The following SORL1 variants were observed in gnomAD, a reference collection of about 807,000 sequenced individuals.
SORL1 encodes the protein sortilin-related receptor.
Under a neutral mutation model 273.7 loss-of-function variants are expected in SORL1, and 127 were observed. That is an observed-to-expected ratio of 0.46 (90% CI 0.40 to 0.54). The LOEUF is 0.54. Among genes scored for constraint, SORL1 ranks in the 20% least tolerant of loss-of-function variants. The pLI is 0.00. For missense variants in SORL1, 2,494 were observed against 2,846.1 expected, an observed-to-expected ratio of 0.88 and a Z score of 2.81; for synonymous variants, 1,031 against 1,067.4, an observed-to-expected ratio of 0.97 and a Z score of 0.66.
At chr11:121,584,886 G>A (rs531206057) in intron 26 of SORL1, among the ~76,000 whole-genome samples, 2 of 152,276 alleles carry the variant, frequency 1.3e-5, no homozygotes, top group Admixed American at 1.3e-4. Flanking sequence ...GAGCCACTGC[G>A]CCTGGCCAGA....
rs1304684535 is a variant in SORL1 at position 121,567,114 on chromosome 11, G to A, written c.3223+1G>A. 1 of 1,608,870 alleles carries A rather than the reference G, an allele frequency of 6.2e-7. No homozygotes were observed. Among genetic ancestry groups the A allele is most frequent in the Non-Finnish European group, 8.5e-7 (1 of 1,177,646 alleles). ...AAGAACAATACCTGTGTCAAACAAG[G>A]TACTTCCCTTTTTCTTTTTTGCCTG... On this transcript the variant is annotated splice_donor_variant, in intron 22 of 47. Transcript: ENST00000260197. LOFTEE classifies it high-confidence loss of function.
At chr11:121,519,985 T>C (rs1246859635) in intron 8 of SORL1, among the ~76,000 whole-genome samples, 2 of 152,198 alleles carry the variant, frequency 1.3e-5, no homozygotes, top group African/African-American at 4.8e-5. Context: ...ACATGGTGGC[T>C]CATGCCTGTA....
At chr11:121,483,198 G>C (rs951795038) in intron 3 of SORL1, among the ~76,000 whole-genome samples, 1 of 152,196 alleles carries the variant, frequency 6.6e-6, no homozygotes, top group Non-Finnish European at 1.5e-5. Context: ...TATTCCTTCT[G>C]TCTCAGCCTT....
At chr11:121,482,967 G>C (rs1463737600) in intron 3 of SORL1, among the ~76,000 whole-genome samples, 1 of 152,202 alleles carries the variant, frequency 6.6e-6, no homozygotes, top group Non-Finnish European at 1.5e-5. Flanking sequence ...CTTCCTTCTT[G>C]GTCTCCTGTG....
chr11:121,536,527 G>A (rs1377894475), intron 12 of SORL1, among the ~76,000 whole-genome samples: 1 of 147,514 alleles, frequency 6.8e-6, no homozygotes, highest in African/African-American at 2.5e-5. Context: ...CAGCCTCCCA[G>A]TAGCTGGGAC....
chr11:121,603,291 G>A (rs1174977466), intron 32 of SORL1, among the ~76,000 whole-genome samples: 1 of 152,196 alleles, frequency 6.6e-6, no homozygotes, highest in African/African-American at 2.4e-5. Flanking sequence ...CCTTGTCCAG[G>A]ACTGGGCAGG....
chr11:121,501,777 G>C (rs921521141), intron 6 of SORL1, among the ~76,000 whole-genome samples: 1 of 152,178 alleles, frequency 6.6e-6, no homozygotes, highest in East Asian at 1.9e-4. Flanking sequence ...GACATGTGGG[G>C]ATTATGGGAG....
At chr11:121,583,417 A>G in intron 25 of SORL1, 41 bp from the exon 26 acceptor site, 1 of 1,580,926 alleles carries the variant, frequency 6.3e-7, no homozygotes, top group Non-Finnish European at 8.6e-7. Context: ...TGGGGGATGG[A>G]GATGAGGGGT....
intron 25 of SORL1, among the ~76,000 whole-genome samples, chr11:121,581,472 A>G (rs935914779): frequency 6.6e-6 from 1 of 152,196 alleles, no homozygotes; most frequent in Non-Finnish European, 1.5e-5. Context: ...AATGAATCCT[A>G]CCATGCAGAG....
intron 25 of SORL1, among the ~76,000 whole-genome samples, chr11:121,578,591 G>T (rs1370168244): frequency 6.6e-6 from 1 of 152,170 alleles, no homozygotes; most frequent in Non-Finnish European, 1.5e-5. Flanking sequence ...TGTATTCTCT[G>T]CAGTGTCCAG....
At chr11:121,567,719 C>T (rs187881729) in intron 22 of SORL1, among the ~76,000 whole-genome samples, 20 of 152,266 alleles carry the variant, frequency 1.3e-4, no homozygotes, top group Admixed American at 1.0e-3. Context: ...TTCTTTCCTC[C>T]GAAATTTAAA....
At position 121,618,822 on chromosome 11, in the gene SORL1, C is replaced by T; in HGVS notation, c.5653C>T (p.Pro1885Ser). ...GTCCTTTCTTGACCTCTATCGCAACCCGAAGAGCTTGACTACTTCACTCCA... is the reference window on the plus strand; with the variant it reads ...GTCCTTTCTTGACCTCTATCGCAACTCGAAGAGCTTGACTACTTCACTCCA... ...ATSFLDLYRNPKSLTTSLHNK... is the reference protein window; with the variant it reads ...ATSFLDLYRNSKSLTTSLHNK... The change falls in exon 42 of 48, where the codon CCG becomes TCG. Residue 1885 changes from proline to serine, a missense_variant. This residue lies in a region of SORL1 where 1,609 missense variants were observed against 1,816.4 expected (regional missense o/e 0.89). Coordinates refer to ENST00000260197, the MANE Select transcript of SORL1 (RefSeq NM_003105.6). 1 of 1,614,054 alleles carries T rather than the reference C, an allele frequency of 6.2e-7. No homozygotes were observed. The highest frequency in any genetic ancestry group is 1.1e-5 in the South Asian group (1 of 91,080).
At chr11:121,487,675 C>A (rs1368698622) in intron 3 of SORL1, among the ~76,000 whole-genome samples, 1 of 152,174 alleles carries the variant, frequency 6.6e-6, no homozygotes, top group African/African-American at 2.4e-5. Flanking sequence ...ATGCCAGTAA[C>A]TACCCTCTGG....
At position 121,454,725 on chromosome 11, in the gene SORL1, G is replaced by C. The variant is rs117769957; in HGVS notation, c.285+2109G>C. 1.9e-3 allele frequency among the ~76,000 whole-genome samples: 289 copies of C among 152,328 alleles called. 7 individuals are homozygous for C. The East Asian group carries it at 0.049, about 26-fold the overall frequency. ...AAAAGGAAGAACTTCCCTGTACTGGGCTTTCTGCCACAAGTTCTATCTGGT... is the reference window on the plus strand; with the variant it reads ...AAAAGGAAGAACTTCCCTGTACTGGCCTTTCTGCCACAAGTTCTATCTGGT... On this transcript the variant is annotated intron_variant, in intron 1 of 47. Coordinates refer to ENST00000260197, the MANE Select transcript of SORL1 (RefSeq NM_003105.6).
intron 31 of SORL1, among the ~76,000 whole-genome samples, chr11:121,593,547 A>G (rs77467935): frequency 1.1e-4 from 16 of 152,040 alleles, no homozygotes; most frequent in Non-Finnish European, 4.4e-5. Flanking sequence ...GCCTCCTTGG[A>G]ATTCTCTTTG....
intron 12 of SORL1, among the ~76,000 whole-genome samples, chr11:121,539,840 G>A (rs1397120826): frequency 6.6e-6 from 1 of 151,956 alleles, no homozygotes; most frequent in Non-Finnish European, 1.5e-5. Flanking sequence ...CAAGTGCTCT[G>A]TTTTTTTAAA....
intron 33 of SORL1, among the ~76,000 whole-genome samples, 195 bp downstream of exon 33, chr11:121,604,519 T>C (rs1338624750): frequency 6.6e-6 from 1 of 152,026 alleles, no homozygotes; most frequent in African/African-American, 2.4e-5. Flanking sequence ...AACATGCAGC[T>C]GTCTCCTCCC....
chr11:121,504,734 A>G (rs1265536778), intron 6 of SORL1, among the ~76,000 whole-genome samples: 1 of 152,094 alleles, frequency 6.6e-6, no homozygotes, highest in Non-Finnish European at 1.5e-5. Context: ...TAAAATGTTG[A>G]CTAGGAGTGG....
chr11:121,455,790 C>T (rs761248479), intron 1 of SORL1, among the ~76,000 whole-genome samples: 30 of 152,256 alleles, frequency 2.0e-4, no homozygotes, highest in Admixed American at 2.0e-4. Context: ...GTCAGGAGTT[C>T]GAAACCAGCC....
Sources: gnomAD v4.1 joint callset for allele counts (sites outside exome capture counted in the v4.1 genomes callset) on GRCh38, gnomAD v4.1.1 for gene constraint, gnomAD v4.1.1 regional missense constraint, MANE v1.5 for transcripts, NCBI Gene and HGNC (gene_info 2026-07-23, HGNC 2026-07-21) for gene names.